Variants in RXRA observed in about 807,000 individuals in gnomAD.
RXRA encodes the protein retinoid X receptor alpha.
RXRA carries 5 observed loss-of-function variants against 44.5 expected under a neutral mutation model. That is an observed-to-expected ratio of 0.11 (90% CI 0.06 to 0.24). The LOEUF (loss-of-function observed/expected upper bound fraction) is 0.24, where lower values mean the gene tolerates loss of function less well. Ranked by LOEUF, RXRA falls within the 10% of genes least tolerant of loss-of-function variation. The pLI, the probability that RXRA is intolerant of heterozygous loss-of-function variation, is 1.00. For synonymous variants in RXRA, 291 were observed against 271.4 expected (o/e 1.07, Z -0.71); for missense variants, 412 against 646.5 (o/e 0.64, Z 3.93).
rs1167618009 is a variant in RXRA, at chr9:134,417,581, T to TGGGGCCC, written c.780+255_780+261dup. Among the ~76,000 whole-genome samples, 37 of 151,548 alleles carry TGGGGCCC rather than the reference T, an allele frequency of 2.4e-4. No individual in the cohort carries two copies. Among genetic ancestry groups the TGGGGCCC allele is most frequent in the Non-Finnish European group, 3.5e-4 (24 of 67,940 alleles). On this transcript the variant is annotated intron_variant, in intron 5 of 9. Transcript: ENST00000481739. This position sits in a 1 kb window ranked among gnomAD's most constrained non-coding sequence, Gnocchi z 6.1. The stretch of plus-strand genomic sequence containing the variant: ...GGCCAGGGGCCAGGGGCCCGGGGCC[T>TGGGGCCC]GGGGCCCTGCGGCCACATCATCATC...
chr9:134,403,427 T>C (rs1830995912), intron 2 of RXRA: 1 of 152,314 alleles, frequency 6.6e-6, no homozygotes, highest in South Asian at 2.1e-4. Context: ...CCTGCTCTTG[T>C]TGGCAGCATG....
chr9:134,427,991 C>G (rs1447246262), intron 6 of RXRA, among the ~76,000 whole-genome samples: 1 of 152,110 alleles, frequency 6.6e-6, no homozygotes, highest in Non-Finnish European at 1.5e-5. Flanking sequence ...CGTGTGTGCG[C>G]GAGGGTCCCT....
In RXRA at chr9:134,347,263, T is replaced by C. The variant is rs1350813766; in HGVS notation, c.28+20604T>C. The stretch of plus-strand genomic sequence containing the variant: ...GAAAGGGTTAAAGGGCCAAGGGAAG[T>C]AATAATGTTTCTAATTTTCCTGTGT... On this transcript the variant is annotated intron_variant, in intron 1 of 9. Coordinates refer to ENST00000481739, the MANE Select transcript of RXRA (RefSeq NM_002957.6). 3.3e-5 allele frequency among the ~76,000 whole-genome samples: 5 copies of C among 152,268 alleles called. No homozygotes were observed. The South Asian group carries it at 1.0e-3, about 31-fold the overall frequency.
chr9:134,377,214 C>A (rs1830569172), intron 1 of RXRA, among the ~76,000 whole-genome samples: 1 of 152,220 alleles, frequency 6.6e-6, no homozygotes, highest in Non-Finnish European at 1.5e-5. Flanking sequence ...CTGGGGGCCT[C>A]TGGCAGTGTT....
In RXRA at chr9:134,426,736, C is replaced by A. The variant is rs1458154651; in HGVS notation, c.911-2372C>A. ...GAGGTGGCCACTGCTCAGGTAAACCCCCAGGCCTGCAGGATGTGAGGGAGA... is the reference window on the plus strand; with the variant it reads ...GAGGTGGCCACTGCTCAGGTAAACCACCAGGCCTGCAGGATGTGAGGGAGA... On this transcript the variant is annotated intron_variant, in intron 6 of 9. Coordinates refer to ENST00000481739, the MANE Select transcript of RXRA (RefSeq NM_002957.6). The surrounding 1 kb of genome is among the most constrained non-coding windows in gnomAD (Gnocchi z 4.6). 2.0e-6 allele frequency: 2 copies of A among 985,274 alleles called. No individual in the cohort carries two copies. The highest frequency in any genetic ancestry group is 3.5e-5 in the African/African-American group (2 of 57,226). 61.0% of individuals were successfully genotyped at this position (985,274 alleles called of 1,614,324 possible).
At chr9:134,405,971 C>A (rs889175281) in intron 2 of RXRA, 3 of 152,310 alleles carry the variant, frequency 2.0e-5, no homozygotes, top group African/African-American at 7.2e-5. Context: ...CCTCCCAGGC[C>A]CTGGCCCATC....
chr9:134,387,050 T>C (rs1390527383), intron 1 of RXRA, among the ~76,000 whole-genome samples: 1 of 152,216 alleles, frequency 6.6e-6, no homozygotes, highest in Non-Finnish European at 1.5e-5. Flanking sequence ...GCTCAGCCTC[T>C]GCCTGCCCTG....
chr9:134,353,527 G>A lies in RXRA; in HGVS notation c.28+26868G>A, dbSNP rs549252192. On this transcript the variant is annotated intron_variant, in intron 1 of 9. Transcript: ENST00000481739. Reference sequence around the variant, plus strand: ...CAAACCGTCACTTACTTTCAAAGGCGTGTTCATTGCCCAGTGGTGCCCCAG... The same window carrying A: ...CAAACCGTCACTTACTTTCAAAGGCATGTTCATTGCCCAGTGGTGCCCCAG... Among the ~76,000 whole-genome samples the A allele has an allele frequency of 4.6e-5, 7 of 152,360 alleles. No individual in the cohort carries two copies. The East Asian group carries it at 7.7e-4, about 17-fold the overall frequency.
intron 1 of RXRA, among the ~76,000 whole-genome samples, chr9:134,373,515 G>A (rs62576340): frequency 0.15 from 23,049 of 152,302 alleles, 1,987 homozygotes; most frequent in Middle Eastern, 0.26. Context: ...CCTTGGCCAC[G>A]AGGTGGTGTG....
chr9:134,408,068 C>A, intron 2 of RXRA, 81 bp from the exon 3 acceptor site: 2 of 1,098,638 alleles, frequency 1.8e-6, no homozygotes, highest in Non-Finnish European at 2.6e-6. Flanking sequence ...TACAGCTGCG[C>A]CATCCTTGCT....
At chr9:134,412,291 G>A (rs1474544352) in intron 4 of RXRA, among the ~76,000 whole-genome samples, 5 of 152,216 alleles carry the variant, frequency 3.3e-5, no homozygotes, top group African/African-American at 7.2e-5. Context: ...GGGCAGCTCC[G>A]CCCACTGGCC....
At chr9:134,367,932 G>C (rs1470728807) in intron 1 of RXRA, among the ~76,000 whole-genome samples, 1 of 152,268 alleles carries the variant, frequency 6.6e-6, no homozygotes, top group African/African-American at 2.4e-5. Flanking sequence ...AGAGCTGCCT[G>C]ACAGCAGCTG....
intron 5 of RXRA, among the ~76,000 whole-genome samples, chr9:134,418,216 G>C (rs1564293068): frequency 1.3e-5 from 2 of 152,136 alleles, no homozygotes; most frequent in Non-Finnish European, 2.9e-5. Flanking sequence ...CCCCACTGAG[G>C]GGGTGGCTCC....
rs996038907 is a variant in RXRA, at chr9:134,431,818, T to C, written c.1044-87T>C. 5 of 1,046,266 alleles carry C rather than the reference T, an allele frequency of 4.8e-6. No individual in the cohort carries two copies. The African/African-American group carries it at 9.0e-5, about 19-fold the overall frequency. The allele number at this position is 1,046,266 out of a possible 1,614,324, so 64.8% of individuals were successfully genotyped here. A position where few individuals can be genotyped will look rare whatever the true frequency, so the allele number is the denominator to read the frequency against. The stretch of plus-strand genomic sequence containing the variant: ...CAGCGGCCCTCGGGCCACGCCGGGC[T>C]CTCCAGAGGCCTTGGGTATCTGGGG... On this transcript the variant is annotated intron_variant, in intron 7 of 9. Transcript: ENST00000481739.
chr9:134,390,227 G>A (rs543153569), intron 1 of RXRA, among the ~76,000 whole-genome samples: 3 of 152,310 alleles, frequency 2.0e-5, no homozygotes, highest in African/African-American at 7.2e-5. Flanking sequence ...ACACACAGTG[G>A]GTAGGGGCCC....
intron 6 of RXRA, among the ~76,000 whole-genome samples, chr9:134,428,115 C>T (rs908782022): frequency 6.6e-6 from 1 of 152,180 alleles, no homozygotes; most frequent in African/African-American, 2.4e-5. Context: ...TGCTCTGCTT[C>T]ATCTGCACTG....
chr9:134,379,918 C>G, intron 1 of RXRA: 1 of 985,302 alleles, frequency 1.0e-6, no homozygotes, highest in South Asian at 4.7e-5. Context: ...GCCTGCTGGT[C>G]TCTGGGTCTG....
At position 134,375,204 on chromosome 9, in the gene RXRA, G is replaced by T. The variant is rs1357525377; in HGVS notation, c.29-26428G>T. ...CCAGGGAACAGCATGTTCAAGGCTA[G>T]AGGCGAGAGAGCCTGACATGTTCCT... is the stretch of plus-strand genomic sequence containing the variant. On this transcript the variant is annotated intron_variant, in intron 1 of 9. Transcript: ENST00000481739. Among the ~76,000 whole-genome samples, 3 of 152,352 alleles carry T rather than the reference G, an allele frequency of 2.0e-5. No individual in the cohort carries two copies. In the East Asian group the frequency reaches 5.8e-4, roughly 29 times the overall value.
At position 134,433,660 on chromosome 9, in the gene RXRA, C is replaced by CCGA. The variant is rs1377294997; in HGVS notation, c.1136-440_1136-439insACG. ...CCGCAAGCACACCGAGGATGGGTTT[C>CCGA]CGCAGGGTCTGGGTACTCCTGGGGG... On this transcript the variant is annotated intron_variant, in intron 8 of 9. Transcript: ENST00000481739. The surrounding 1 kb of genome is among the most constrained non-coding windows in gnomAD (Gnocchi z 4.2). Among the ~76,000 whole-genome samples, 1 of 152,124 alleles carries CCGA rather than the reference C, an allele frequency of 6.6e-6. No homozygotes were observed. Among genetic ancestry groups the CCGA allele is most frequent in the Non-Finnish European group, 1.5e-5 (1 of 68,006 alleles).
Sources: gnomAD v4.1 joint callset for allele counts (sites outside exome capture counted in the v4.1 genomes callset) on GRCh38, gnomAD v4.1.1 for gene constraint, Gnocchi (gnomAD v3.1) non-coding constraint, MANE v1.5 for transcripts, NCBI Gene and HGNC (gene_info 2026-07-23, HGNC 2026-07-21) for gene names.